PUDP: variants seen among roughly 807,000 people sequenced by gnomAD.
PUDP encodes the protein pseudouridine 5'-phosphatase, also known as pseudouridine-5'-phosphatase.
Under a neutral mutation model 9.4 loss-of-function variants are expected in PUDP, and 8 were observed. The ratio of observed to expected loss-of-function variants is 0.85; its 90% confidence interval spans 0.50 to 1.53. PUDP has a LOEUF of 1.53. PUDP is among the 40% of genes most tolerant of loss of function. The probability of loss-of-function intolerance (pLI) is 0.00; values close to 1 mark genes in which losing one functional copy is unlikely to be tolerated. For synonymous variants in PUDP, 99 were observed against 80.7 expected, an observed-to-expected ratio of 1.23 and a Z score of -1.22; for missense variants, 188 against 189.7, an observed-to-expected ratio of 0.99 and a Z score of 0.05.
chrX:7,015,236 C>T (rs1050761204), intron 1 of PUDP, among the ~76,000 whole-genome samples: 2 of 111,438 alleles, frequency 1.8e-5, no homozygotes, highest in African/African-American at 6.5e-5. Context: ...GAATGAAGGC[C>T]CAAAGATACA....
intron 1 of PUDP, among the ~76,000 whole-genome samples, chrX:7,008,108 C>T (rs1282106299): frequency 9.1e-6 from 1 of 109,633 alleles, no homozygotes; most frequent in African/African-American, 3.3e-5. Context: ...GGACTACAGG[C>T]ACCCACCACC....
At chrX:6,785,680 C>A (rs1394155523) in intron 3 of PUDP, among the ~76,000 whole-genome samples, 2 of 110,996 alleles carry the variant, frequency 1.8e-5, no homozygotes, top group African/African-American at 6.5e-5. Context: ...TATGTTCCAA[C>A]AAGCAGTGAG....
At chrX:7,087,355 C>A (rs903392059) in intron 2 of PUDP, among the ~76,000 whole-genome samples, 2 of 111,399 alleles carry the variant, frequency 1.8e-5, no homozygotes, top group African/African-American at 6.5e-5. Flanking sequence ...TGAAAAGAGG[C>A]AGGAAGGATC....
At chrX:6,836,593 T>C (rs895100143) in intron 3 of PUDP, among the ~76,000 whole-genome samples, 1 of 112,290 alleles carries the variant, frequency 8.9e-6, no homozygotes, top group Non-Finnish European at 1.9e-5. Context: ...ATATTGTATC[T>C]TTCAGACCAT....
At chrX:6,943,017 T>C (rs970607444) in intron 3 of PUDP, among the ~76,000 whole-genome samples, 3 of 112,221 alleles carry the variant, frequency 2.7e-5, no homozygotes, top group Admixed American at 9.5e-5. Flanking sequence ...GTACTTTGCT[T>C]CAGCAGCCAA....
chrX:6,866,359 C>T (rs1240475677), intron 3 of PUDP, among the ~76,000 whole-genome samples: 1 of 109,353 alleles, frequency 9.1e-6, no homozygotes, highest in African/African-American at 3.3e-5. Flanking sequence ...TTCAAATATT[C>T]CCAAAACTTG....
intron 1 of PUDP, among the ~76,000 whole-genome samples, chrX:6,710,427 T>C (rs757779636): frequency 3.6e-5 from 4 of 111,272 alleles, no homozygotes; most frequent in African/African-American, 9.8e-5. Context: ...ATTCCCAGAG[T>C]TAAATAGAGG....
At chrX:7,054,336 G>A (rs1019182779) in intron 3 of PUDP, among the ~76,000 whole-genome samples, 4 of 110,985 alleles carry the variant, frequency 3.6e-5, no homozygotes, top group Non-Finnish European at 5.7e-5. Flanking sequence ...CTTGAACCCA[G>A]GAGGTAGAGG....
intron 1 of PUDP, among the ~76,000 whole-genome samples, chrX:7,029,605 A>G (rs760099260): frequency 1.8e-5 from 2 of 112,194 alleles, no homozygotes; most frequent in East Asian, 5.6e-4. Context: ...AAAAGAAAAT[A>G]TCCCTGCAGA....
chrX:7,066,378 G>A (rs933257297), intron 3 of PUDP, among the ~76,000 whole-genome samples: 1 of 111,536 alleles, frequency 9.0e-6, no homozygotes. Flanking sequence ...CAGCATTTTG[G>A]CACCAGGAAC....
At chrX:6,816,561 TATATAC>T (rs1170746643) in intron 3 of PUDP, among the ~76,000 whole-genome samples, 2 of 101,914 alleles carry the variant, frequency 2.0e-5, no homozygotes, top group African/African-American at 7.0e-5. Flanking sequence ...GTATGCATAT[TATATAC>T]ATATATAGTA....
At chrX:6,864,463 C>T (rs983242175) in intron 3 of PUDP, among the ~76,000 whole-genome samples, 46 of 111,962 alleles carry the variant, frequency 4.1e-4, no homozygotes, top group African/African-American at 1.4e-3. Flanking sequence ...GTCCCTATTT[C>T]CCACTCACTG....
Position 7,128,167 on chromosome X carries a change from G to A in PUDP, c.61+19886C>T, listed in dbSNP as rs943549887. 6.3e-5 allele frequency among the ~76,000 whole-genome samples: 7 copies of A among 110,628 alleles called. 1 individual carries two copies. The highest frequency in any genetic ancestry group is 9.7e-5 in the Admixed American group (1 of 10,357). On this transcript the variant is annotated intron_variant, in intron 1 of 3. Coordinates refer to ENST00000381077, the MANE Select transcript of PUDP (RefSeq NM_012080.5). ...AGCGATTCTCATGCCTCAGCCTCCCGAGTAGCTGGGATTATAGGCGTGCAC... is the reference window on the plus strand; with the variant it reads ...AGCGATTCTCATGCCTCAGCCTCCCAAGTAGCTGGGATTATAGGCGTGCAC...
In PUDP at chrX:6,973,288, C is replaced by A. The variant is rs759941569; in HGVS notation, c.*247+3845G>T. Among the ~76,000 whole-genome samples, 42 of 111,422 alleles carry A rather than the reference C, an allele frequency of 3.8e-4. 1 individual carries two copies. The highest frequency in any genetic ancestry group is 1.3e-3 in the African/African-American group (39 of 30,686). ...TTGCTCTTGCTTCTCTAGTTCTTTT[C>A]ATTGTGATGTTAGGGTGTCAATTTT... On this transcript the variant is annotated intron_variant and NMD_transcript_variant, in intron 3 of 3. Transcript: ENST00000655425.
intron 3 of PUDP, among the ~76,000 whole-genome samples, chrX:7,069,487 G>A (rs1930666925): frequency 9.1e-6 from 1 of 110,338 alleles, no homozygotes; most frequent in Non-Finnish European, 1.9e-5. Context: ...ACGTGCGCTC[G>A]GCAGGCAGAG....
intron 3 of PUDP, among the ~76,000 whole-genome samples, chrX:7,059,593 G>A (rs1930343004): frequency 8.9e-6 from 1 of 112,104 alleles, no homozygotes; most frequent in South Asian, 3.8e-4. Context: ...GACTCGGGAA[G>A]ATTAGCCATG....
intron 3 of PUDP, among the ~76,000 whole-genome samples, chrX:6,741,480 C>A (rs977733259): frequency 9.0e-6 from 1 of 111,149 alleles, no homozygotes; most frequent in Non-Finnish European, 1.9e-5. Flanking sequence ...TACATATAGA[C>A]ATACATAGGC....
intron 1 of PUDP, among the ~76,000 whole-genome samples, chrX:6,712,528 G>C (rs1924545705): frequency 8.9e-6 from 1 of 112,034 alleles, no homozygotes; most frequent in African/African-American, 3.2e-5. Flanking sequence ...GTCGGGCAAT[G>C]ATAAGGAGCT....
chrX:6,984,570 T>A (rs1322864473), intron 1 of PUDP, among the ~76,000 whole-genome samples: 2 of 111,718 alleles, frequency 1.8e-5, no homozygotes, highest in Admixed American at 1.9e-4. Flanking sequence ...TATAAATTAG[T>A]AAATCATAAA....
Sources: allele counts gnomAD v4.1 joint callset (sites outside exome capture counted in the v4.1 genomes callset), GRCh38; gene constraint gnomAD v4.1.1; transcripts MANE v1.5; gene names NCBI Gene and HGNC (gene_info 2026-07-23, HGNC 2026-07-21).